CEP112: variants seen among roughly 807,000 people sequenced by gnomAD.
The protein encoded by CEP112 is centrosomal protein of 112 kDa.
CEP112 carries 127 observed loss-of-function variants against 153.0 expected under a neutral mutation model. That is an observed-to-expected ratio of 0.83 (90% CI 0.72 to 0.96). CEP112 has a LOEUF of 0.96. Among genes scored for constraint, CEP112 ranks in the 40% least tolerant of loss-of-function variants. The pLI is 0.00. For synonymous variants in CEP112, 358 were observed against 374.4 expected, an observed-to-expected ratio of 0.96 and a Z score of 0.51; for missense variants, 1,089 against 1,101.2, an observed-to-expected ratio of 0.99 and a Z score of 0.16.
At chr17:65,711,205 A>G (rs954612591) in intron 23 of CEP112, among the ~76,000 whole-genome samples, 5 of 152,198 alleles carry the variant, frequency 3.3e-5, no homozygotes, top group African/African-American at 1.2e-4. Flanking sequence ...TTCTAGTATT[A>G]GAGAGGTCAT....
At chr17:66,097,827 T>C (rs918156291) in intron 6 of CEP112, among the ~76,000 whole-genome samples, 1 of 152,198 alleles carries the variant, frequency 6.6e-6, no homozygotes, top group Non-Finnish European at 1.5e-5. Flanking sequence ...ATTAAAAATC[T>C]CTACCGTGAA....
At chr17:66,145,639 T>C (rs1288460798) in intron 4 of CEP112, among the ~76,000 whole-genome samples, 6 of 152,256 alleles carry the variant, frequency 3.9e-5, no homozygotes, top group Non-Finnish European at 8.8e-5. Flanking sequence ...TGACCATGTA[T>C]ATGAGGGCTC....
chr17:66,107,339 G>C (rs1219909045), intron 6 of CEP112, among the ~76,000 whole-genome samples: 1 of 152,000 alleles, frequency 6.6e-6, no homozygotes, highest in Non-Finnish European at 1.5e-5. Context: ...AATTGGAAAG[G>C]AAGAAGTCAA....
At chr17:65,730,107 A>G (rs1488090108) in intron 23 of CEP112, among the ~76,000 whole-genome samples, 1 of 152,222 alleles carries the variant, frequency 6.6e-6, no homozygotes, top group Non-Finnish European at 1.5e-5. Context: ...TTGATTCCTT[A>G]ACGTACACAA....
intron 23 of CEP112, among the ~76,000 whole-genome samples, chr17:65,690,113 CAAA>C (rs67399289): frequency 0.45 from 27,808 of 62,324 alleles, 3,879 homozygotes; most frequent in Middle Eastern, 0.54. Context: ...GAAAACAGAC[CAAA>C]AAAAAAAAAA....
At chr17:65,763,212 C>T (rs1343073213) in intron 21 of CEP112, among the ~76,000 whole-genome samples, 2 of 151,906 alleles carry the variant, frequency 1.3e-5, no homozygotes, top group Non-Finnish European at 2.9e-5. Flanking sequence ...TTTTTCTTTT[C>T]CCTCTGGCAG....
intron 17 of CEP112, among the ~76,000 whole-genome samples, chr17:65,998,550 GAA>G (rs71361252): frequency 6.6e-6 from 1 of 151,064 alleles, no homozygotes; most frequent in South Asian, 2.1e-4. Flanking sequence ...TCTTTAAAAA[GAA>G]AAAAAACTGA....
intron 4 of CEP112, among the ~76,000 whole-genome samples, chr17:66,146,715 G>A (rs945147549): frequency 4.6e-5 from 7 of 151,858 alleles, no homozygotes; most frequent in Admixed American, 6.6e-5. Flanking sequence ...TCTACTTTCC[G>A]TTTCTATGAA....
chr17:65,713,937 AC>A (rs112617878), intron 23 of CEP112, among the ~76,000 whole-genome samples: 22,368 of 152,066 alleles, frequency 0.15, 2,244 homozygotes, highest in African/African-American at 0.27. Context: ...GAGCTGAAGA[AC>A]ACCAAAGCCA....
intron 20 of CEP112, among the ~76,000 whole-genome samples, chr17:65,866,949 C>A (rs2058508172): frequency 6.6e-6 from 1 of 151,138 alleles, no homozygotes; most frequent in African/African-American, 2.4e-5. Context: ...GCCAAAAAAA[C>A]AAACCCATGC....
At chr17:66,034,540 A>G (rs1169989090) in intron 12 of CEP112, among the ~76,000 whole-genome samples, 2 of 152,004 alleles carry the variant, frequency 1.3e-5, no homozygotes, top group Non-Finnish European at 2.9e-5. Flanking sequence ...TTGCCTAAAG[A>G]AAAAGGGTTT....
chr17:65,857,581 A>G (rs2058168238), intron 20 of CEP112, among the ~76,000 whole-genome samples: 1 of 152,216 alleles, frequency 6.6e-6, no homozygotes, highest in Non-Finnish European at 1.5e-5. Context: ...AAATTATATT[A>G]TAGGTTATTT....
At chr17:65,945,355 T>C (rs1340770846) in intron 18 of CEP112, among the ~76,000 whole-genome samples, 1 of 152,220 alleles carries the variant, frequency 6.6e-6, no homozygotes, top group Non-Finnish European at 1.5e-5. Flanking sequence ...TTCTAGTACA[T>C]GTCTTTTTGT....
intron 24 of CEP112, among the ~76,000 whole-genome samples, chr17:65,669,629 T>C (rs760582739): frequency 7.9e-5 from 12 of 152,124 alleles, no homozygotes; most frequent in Admixed American, 4.6e-4. Context: ...AAAGGCCGGG[T>C]ACGGTGGCTC....
At position 65,868,103 on chromosome 17, in the gene CEP112, C is replaced by T. The variant is rs753492422; in HGVS notation, c.2164-16069G>A. Among the ~76,000 whole-genome samples, 14 of 151,916 alleles carry T rather than the reference C, an allele frequency of 9.2e-5. No individual in the cohort carries two copies. The South Asian group carries it at 1.5e-3, about 16-fold the overall frequency. On this transcript the variant is annotated intron_variant, in intron 20 of 26. Coordinates refer to ENST00000535342, the MANE Select transcript of CEP112 (RefSeq NM_001199165.4). ...CTTTCTGTTATATTTGGTTCTTGTTCGTTATGTCAAAGTTATGAATGAGGC... is the reference window on the plus strand; with the variant it reads ...CTTTCTGTTATATTTGGTTCTTGTTTGTTATGTCAAAGTTATGAATGAGGC...
chr17:66,086,033 T>C (rs972918702), intron 8 of CEP112, among the ~76,000 whole-genome samples: 2 of 148,586 alleles, frequency 1.3e-5, no homozygotes, highest in African/African-American at 4.9e-5. Flanking sequence ...TATGATCTAA[T>C]TTTACTTAAA....
chr17:66,147,956 T>A (rs1335502546), intron 4 of CEP112, among the ~76,000 whole-genome samples: 1 of 152,186 alleles, frequency 6.6e-6, no homozygotes, highest in Non-Finnish European at 1.5e-5. Flanking sequence ...CCAACTTCGT[T>A]TTTTTTCTAA....
At chr17:65,870,069 G>GAAAGAAAGA (rs1270705782) in intron 20 of CEP112, among the ~76,000 whole-genome samples, 10 of 143,066 alleles carry the variant, frequency 7.0e-5, no homozygotes, top group South Asian at 2.2e-4. Context: ...AAGAAAGAAA[G>GAAAGAAAGA]AAAGAAAGAA....
chr17:65,919,176 T>C (rs1336142495), intron 19 of CEP112, among the ~76,000 whole-genome samples: 5 of 152,222 alleles, frequency 3.3e-5, no homozygotes, highest in Non-Finnish European at 4.4e-5. Context: ...TTTGTCTTCT[T>C]CATGAGAACT....
Sources: allele counts gnomAD v4.1 joint callset (sites outside exome capture counted in the v4.1 genomes callset), GRCh38; gene constraint gnomAD v4.1.1; transcripts MANE v1.5; gene names NCBI Gene and HGNC (gene_info 2026-07-23, HGNC 2026-07-21).